The following INPP5F variants were observed in gnomAD, a reference collection of about 807,000 sequenced individuals.
INPP5F encodes the protein phosphatidylinositide 4-phosphatase SAC2.
INPP5F carries 97 observed loss-of-function variants against 137.2 expected under a neutral mutation model. That is an observed-to-expected ratio of 0.71 (90% CI 0.60 to 0.84). The LOEUF (loss-of-function observed/expected upper bound fraction) is 0.84. Among genes scored for constraint, INPP5F ranks in the 40% least tolerant of loss-of-function variants. The probability of loss-of-function intolerance (pLI) is 0.00; values close to 1 mark genes in which losing one functional copy is unlikely to be tolerated. For missense variants in INPP5F, 1,271 were observed against 1,371.9 expected (o/e 0.93, Z 1.16); for synonymous variants, 504 against 476.9 (o/e 1.06, Z -0.74).
chr10:119,755,690 G>A (rs1454985672), intron 2 of INPP5F, among the ~76,000 whole-genome samples: 1 of 152,118 alleles, frequency 6.6e-6, no homozygotes, highest in Non-Finnish European at 1.5e-5. Context: ...CTCAAGTATC[G>A]TTGGCTAGGA....
chr10:119,726,166 G>C lies in INPP5F; in HGVS notation c.-97G>C. 2.9e-6 allele frequency: 2 copies of C among 700,664 alleles called. No individual in the cohort carries two copies. The highest frequency in any genetic ancestry group is 6.9e-5 in the South Asian group (2 of 29,058). 43.4% of individuals were successfully genotyped at this position (700,664 alleles called of 1,614,324 possible). On this transcript the variant is annotated 5_prime_UTR_variant, in exon 1 of 20. Coordinates refer to ENST00000650623, the MANE Select transcript of INPP5F (RefSeq NM_014937.4). ...TGCTTCTCGGCGCGGTTCCTACCCG[G>C]CCGCTCCCCGAGGCGCGGGCTCTGG... is the stretch of plus-strand genomic sequence containing the variant.
chr10:119,798,786 CTTTTTTTT>C (rs374141329), intron 9 of INPP5F, among the ~76,000 whole-genome samples, 176 bp downstream of exon 9: 5 of 100,710 alleles, frequency 5.0e-5, no homozygotes, highest in South Asian at 4.1e-4. Context: ...GAGTCAGCTA[CTTTTTTTT>C]TTTTTTTTTT....
intron 13 of INPP5F, among the ~76,000 whole-genome samples, chr10:119,809,195 C>G (rs573106306): frequency 2.0e-4 from 29 of 148,250 alleles, no homozygotes; most frequent in Admixed American, 4.8e-4. Context: ...CCATTGCACT[C>G]CAGCCTGGGC....
intron 1 of INPP5F, among the ~76,000 whole-genome samples, chr10:119,728,035 G>A (rs1211257370): frequency 1.3e-5 from 2 of 152,206 alleles, no homozygotes; most frequent in African/African-American, 4.8e-5. Flanking sequence ...AACTATAAAG[G>A]CTAACCTGCG....
chr10:119,793,636 G>T (rs1850224868), intron 6 of INPP5F: 1 of 152,170 alleles, frequency 6.6e-6, no homozygotes, highest in Non-Finnish European at 1.5e-5. Flanking sequence ...GACAGAAGAA[G>T]AAATCTTTAT....
Position 119,806,462 on chromosome 10 carries a change from A to G in INPP5F, c.1422A>G (p.Arg474=). 1 of 1,607,042 alleles carries G rather than the reference A, an allele frequency of 6.2e-7. No homozygotes were observed. The highest frequency in any genetic ancestry group is 8.5e-7 in the Non-Finnish European group (1 of 1,177,440). ...RTNVVQAAIA[R]VVMEQQLKKL... ...ACGTGGTCCAAGCTGCCATCGCGAG[A>G]GTGGTCATGGAACAGCAGGTAATTT... Residue 474 remains arginine (R), a synonymous_variant, in exon 12 of 20, where the codon AGA becomes AGG. Transcript: ENST00000650623.
chr10:119,781,920 G>A, intron 3 of INPP5F, 149 bp downstream of exon 3: 1 of 646,060 alleles, frequency 1.5e-6, no homozygotes, highest in Non-Finnish European at 2.5e-6. Context: ...CAACTTAGTA[G>A]TGGAACTCTT....
intron 2 of INPP5F, among the ~76,000 whole-genome samples, chr10:119,779,782 A>C (rs528698988): frequency 6.6e-6 from 1 of 152,278 alleles, no homozygotes; most frequent in East Asian, 1.9e-4. Flanking sequence ...TCTACTTTAT[A>C]AACTTTTTAA....
At chr10:119,817,872 A>G (rs143302088) in intron 15 of INPP5F, among the ~76,000 whole-genome samples, 188 of 152,378 alleles carry the variant, frequency 1.2e-3, no homozygotes, top group African/African-American at 4.4e-3. Flanking sequence ...TCTTGTTGAC[A>G]AAATTAATGA....
At chr10:119,804,486 T>A (rs558593056) in intron 10 of INPP5F, among the ~76,000 whole-genome samples, 189 bp downstream of exon 10, 1 of 152,324 alleles carries the variant, frequency 6.6e-6, no homozygotes, top group East Asian at 1.9e-4. Context: ...AATTTAGAGT[T>A]GATTCCAAAA....
At chr10:119,737,415 G>A (rs1234893527) in intron 1 of INPP5F, among the ~76,000 whole-genome samples, 2 of 152,184 alleles carry the variant, frequency 1.3e-5, no homozygotes, top group Non-Finnish European at 2.9e-5. Context: ...TGGCTGTACA[G>A]TAGAATCACC....
chr10:119,791,668 C>A, intron 4 of INPP5F, 23 bp downstream of exon 4: 1 of 1,566,670 alleles, frequency 6.4e-7, no homozygotes, highest in Non-Finnish European at 8.7e-7. Context: ...TTGATATAGG[C>A]TTTGAATTCA....
intron 15 of INPP5F, chr10:119,819,244 A>T (rs1422380510): frequency 4.6e-3 from 155 of 33,484 alleles, no homozygotes; most frequent in African/African-American, 8.5e-3. Context: ...TTTTTTTTTT[A>T]AAGGGGAAGG....
chr10:119,825,844 T>G lies in INPP5F; in HGVS notation c.2250-787T>G, dbSNP rs1851735824. The G allele has an allele frequency of 1.5e-5, 6 of 396,992 alleles. 1 individual carries two copies. The East Asian group carries it at 2.1e-4, about 14-fold the overall frequency. 24.6% of individuals were successfully genotyped at this position (396,992 alleles called of 1,614,324 possible). On this transcript the variant is annotated intron_variant, in intron 19 of 19. Transcript: ENST00000650623. ...TTAAAGAATTACTTTAACCCATAAT[T>G]TTTCTGCAGTATGCTCATGATCAGT...
chr10:119,807,952 G>A lies in INPP5F; in HGVS notation c.1461G>A (p.Met487Ile), dbSNP rs1269394369. The A allele has an allele frequency of 1.2e-6, 2 of 1,611,404 alleles. No individual in the cohort carries two copies. The highest frequency in any genetic ancestry group is 1.7e-6 in the Non-Finnish European group (2 of 1,179,134). Residue 487 changes from methionine (M) to isoleucine (I), a missense_variant, in exon 13 of 20, where the codon ATG (methionine) becomes ATA (isoleucine). By Grantham distance (10) the Met-to-Ile change is conservative. Transcript: ENST00000650623. ...TTTAGCTGAAAAAATTAGGTGTGAT[G>A]CCCCCGGAACAGCCATTACCTGTGA... ...MEQQLKKLGVMPPEQPLPVKC... is the reference protein window; with the variant it reads ...MEQQLKKLGVIPPEQPLPVKC...
intron 9 of INPP5F, among the ~76,000 whole-genome samples, chr10:119,802,455 A>G (rs1443323738): frequency 6.6e-6 from 1 of 152,180 alleles, no homozygotes; most frequent in African/African-American, 2.4e-5. Flanking sequence ...AAAAAAAGCC[A>G]CCTTGACACA....
chr10:119,793,577 T>C (rs1850222833), intron 6 of INPP5F: 1 of 152,260 alleles, frequency 6.6e-6, no homozygotes, highest in Non-Finnish European at 1.5e-5. Flanking sequence ...TATCCTTTAC[T>C]GTCTCTGCAG....
intron 2 of INPP5F, among the ~76,000 whole-genome samples, chr10:119,766,123 C>T (rs1472235536): frequency 2.6e-5 from 4 of 152,006 alleles, no homozygotes; most frequent in Non-Finnish European, 4.4e-5. Flanking sequence ...ACCAGGAGCA[C>T]TGATGTCTGC....
intron 2 of INPP5F, among the ~76,000 whole-genome samples, chr10:119,762,390 T>C (rs1849034334): frequency 2.0e-5 from 3 of 152,144 alleles, no homozygotes; most frequent in Admixed American, 1.3e-4. Context: ...GGAGCTCTCC[T>C]GGGTCTCTTT....
Sources: gnomAD v4.1 joint callset for allele counts (sites outside exome capture counted in the v4.1 genomes callset) on GRCh38, gnomAD v4.1.1 for gene constraint, MANE v1.5 for transcripts, NCBI Gene and HGNC (gene_info 2026-07-23, HGNC 2026-07-21) for gene names.